The following DOC2A variants were observed in gnomAD, a reference collection of about 807,000 sequenced individuals.
DOC2A encodes double C2-like domain-containing protein alpha.
DOC2A carries 28 observed loss-of-function variants against 40.6 expected under a neutral mutation model. That is an observed-to-expected ratio of 0.69 (90% CI 0.51 to 0.95). The LOEUF is 0.95. DOC2A is among the 40% of genes least tolerant of loss of function. DOC2A has a pLI of 0.00. For missense variants in DOC2A, 474 were observed against 552.5 expected (o/e 0.86, Z 1.42); for synonymous variants, 241 against 236.9 (o/e 1.02, Z -0.16).
At chr16:30,011,250 A>AC (rs1271374892), upstream of DOC2A, 2 of 902,702 alleles carry the variant, frequency 2.2e-6, no homozygotes, top group Non-Finnish European at 2.6e-6. Flanking sequence ...CCAACCGGGC[A>AC]CCCCCGCGCG....
At chr16:30,013,335 G>C (rs567104102), upstream of DOC2A, 2 of 142,924 alleles carry the variant, frequency 1.4e-5, no homozygotes, top group Non-Finnish European at 3.0e-5. Context: ...GCGTGATCTC[G>C]GCTCACTGCA....
In DOC2A at chr16:30,006,713, G is replaced by A. The variant is rs372389503; in HGVS notation, c.879-36C>T. The A allele has an allele frequency of 2.5e-6, 4 of 1,613,806 alleles. No individual in the cohort carries two copies. In the East Asian group the frequency reaches 6.7e-5, roughly 27 times the overall value. On this transcript the variant is annotated intron_variant, in intron 8 of 10. Coordinates refer to ENST00000350119, the MANE Select transcript of DOC2A (RefSeq NM_003586.3). This position sits in a 1 kb window ranked among gnomAD's most constrained non-coding sequence, Gnocchi z 6.2. ...GGTGGAGGGAGACGAACTGAGGGGTGAGGGACAGGCCAGGCCCAACTCAGG... is the reference window on the plus strand; with the variant it reads ...GGTGGAGGGAGACGAACTGAGGGGTAAGGGACAGGCCAGGCCCAACTCAGG...
At chr16:30,008,798 A>G (rs2070692994) in intron 5 of DOC2A, 198 bp downstream of exon 5, 2 of 579,668 alleles carry the variant, frequency 3.5e-6, no homozygotes, top group South Asian at 1.9e-5. Flanking sequence ...GAGCCACCAC[A>G]CCTGGCAGGC....
At chr16:30,014,752 A>C (rs910081374), upstream of DOC2A, among the ~76,000 whole-genome samples, 2 of 151,986 alleles carry the variant, frequency 1.3e-5, no homozygotes, top group African/African-American at 4.8e-5. Context: ...AGCCTAGCCA[A>C]CATGCTGAAA....
At chr16:30,022,139 C>A (rs1303640497), upstream of DOC2A, among the ~76,000 whole-genome samples, 1 of 151,156 alleles carries the variant, frequency 6.6e-6, no homozygotes, top group African/African-American at 2.4e-5. Context: ...AATCCCACTC[C>A]AGGAGGCTGA....
chr16:30,017,723 A>G (rs1413581149), intron 1 of DOC2A, among the ~76,000 whole-genome samples: 5 of 152,058 alleles, frequency 3.3e-5, no homozygotes, highest in Admixed American at 2.6e-4. Flanking sequence ...TTGGGAGGCC[A>G]AGGTGGGCGG....
rs756162888 is a variant in DOC2A at position 30,006,793 on chromosome 16, G to A, written c.870C>T (p.Tyr290=). The A allele has an allele frequency of 2.5e-6, 4 of 1,613,776 alleles. No homozygotes were observed. Among genetic ancestry groups the A allele is most frequent in the South Asian group, 2.2e-5 (2 of 91,078 alleles). ...AMDVNGYSDP[Y]VKTYLRPDVD... ...TCAGAGCAAGGGCTCACGTCTTGAC[G>A]TAGGGGTCCGAGTAACCGTTGACGT... Residue 290 remains tyrosine, a synonymous_variant, in exon 8 of 11, where the codon TAC becomes TAT. Transcript: ENST00000350119. The surrounding 1 kb of genome is among the most constrained non-coding windows in gnomAD (Gnocchi z 6.2).
chr16:30,018,153 T>C (rs1243082219), intron 1 of DOC2A, among the ~76,000 whole-genome samples: 3 of 138,910 alleles, frequency 2.2e-5, no homozygotes, highest in Non-Finnish European at 4.6e-5. Context: ...GATGACTTGA[T>C]GATGCAGTCC....
In DOC2A at chr16:30,006,299, C is replaced by T. The variant is rs141323522; in HGVS notation, c.1090G>A (p.Glu364Lys). 1.9e-4 allele frequency: 309 copies of T among 1,610,968 alleles called. No individual in the cohort carries two copies. Among genetic ancestry groups the T allele is most frequent in the Non-Finnish European group, 2.3e-4 (271 of 1,179,276 alleles). The change falls in exon 11 of 11, where the codon GAG becomes AAG. Residue 364 changes from glutamate (E) to lysine (K), a missense_variant. Transcript: ENST00000350119. This position sits in a 1 kb window ranked among gnomAD's most constrained non-coding sequence, Gnocchi z 6.2. ...GVSLGPGARG[E>K]ARKHWSDCLQ... The stretch of plus-strand genomic sequence containing the variant: ...CAGTCACTCCAGTGCTTCCGAGCCT[C>T]GCCTCGGGCACCTGGCCCCAGGGAC...
In DOC2A at chr16:30,006,698, G is replaced by A. The variant is rs368171707; in HGVS notation, c.879-21C>T. 3 of 1,613,604 alleles carry A rather than the reference G, an allele frequency of 1.9e-6. No homozygotes were observed. Among genetic ancestry groups the A allele is most frequent in the Non-Finnish European group, 1.7e-6 (2 of 1,179,942 alleles). On this transcript the variant is annotated intron_variant, in intron 8 of 10. Transcript: ENST00000350119. The surrounding 1 kb of genome is among the most constrained non-coding windows in gnomAD (Gnocchi z 6.2). ...GGTACCTGGGGGTGGGGTGGAGGGAGACGAACTGAGGGGTGAGGGACAGGC... is the reference window on the plus strand; with the variant it reads ...GGTACCTGGGGGTGGGGTGGAGGGAAACGAACTGAGGGGTGAGGGACAGGC...
Position 30,009,983 on chromosome 16 carries a change from G to A in DOC2A, c.240C>T (p.Asp80=), listed in dbSNP as rs764214638. The A allele has an allele frequency of 3.1e-6, 5 of 1,611,714 alleles. No homozygotes were observed. The South Asian group carries it at 4.4e-5, about 14-fold the overall frequency. ...ATTPEDGAEV[D]SYDSDDATAL... ...CACTGGCATCATCCGAGTCATAGCT[G>A]TCCACCTCCGCACCATCCTCAGGCG... The change falls in exon 2 of 11, where the codon GAC becomes GAT. Residue 80 remains aspartate (D), a synonymous_variant. Transcript: ENST00000350119. This position sits in a 1 kb window ranked among gnomAD's most constrained non-coding sequence, Gnocchi z 4.1.
upstream of DOC2A, chr16:30,014,946 A>C (rs1453536034): frequency 1.3e-5 from 2 of 152,106 alleles, no homozygotes; most frequent in Non-Finnish European, 2.9e-5. Context: ...AAAAGAAAAA[A>C]GAAAAAAAAA....
chr16:30,015,786 G>A (rs1365701136), upstream of DOC2A, among the ~76,000 whole-genome samples: 1 of 139,952 alleles, frequency 7.1e-6, no homozygotes, highest in Non-Finnish European at 1.5e-5. Flanking sequence ...CGACATCCTC[G>A]AACTCTTGGG....
At position 30,010,201 on chromosome 16, in the gene DOC2A, G is replaced by A. The variant is rs547661048; in HGVS notation, c.22C>T (p.Arg8Cys). 1.2e-6 allele frequency: 2 copies of A among 1,613,824 alleles called. No homozygotes were observed. The highest frequency in any genetic ancestry group is 1.1e-5 in the South Asian group (1 of 91,092). ...TGCTCCTGGATGTTGATGGTCATGC[G>A]ATCGCCCCTGCGGCCCCTCATGCAG... is the stretch of plus-strand genomic sequence containing the variant. Reference protein sequence around the residue: MRGRRGDRMTINIQEHMA... With the variant: MRGRRGDCMTINIQEHMA... Residue 8 changes from arginine (R) to cysteine (C), a missense_variant, in exon 2 of 11, where the codon CGC (arginine) becomes TGC (cysteine). Physicochemically the swap from Arg to Cys is radical, Grantham distance 180. Transcript: ENST00000350119. The surrounding 1 kb of genome is among the most constrained non-coding windows in gnomAD (Gnocchi z 4.2).
chr16:30,015,785 C>T (rs534237808), upstream of DOC2A, among the ~76,000 whole-genome samples: 55 of 146,024 alleles, frequency 3.8e-4, no homozygotes, highest in African/African-American at 1.3e-3. Context: ...ACGACATCCT[C>T]GAACTCTTGG....
intron 5 of DOC2A, chr16:30,008,633 A>T: frequency 3.5e-6 from 1 of 286,970 alleles, no homozygotes; most frequent in East Asian, 8.7e-5. Flanking sequence ...CCTCTCGAGT[A>T]GCTGGGATTT....
At position 30,005,619 on chromosome 16, in the gene DOC2A, C is replaced by T. The variant is rs111261004; in HGVS notation, c.*567G>A. On this transcript the variant is annotated 3_prime_UTR_variant, in exon 11 of 11. Transcript: ENST00000350119. Reference sequence around the variant, plus strand: ...TGTCCCCCAGGAGGGTGGCAGGGGCCCTGCCTTCAAACCCCGGCCCCCTCC... The same window carrying T: ...TGTCCCCCAGGAGGGTGGCAGGGGCTCTGCCTTCAAACCCCGGCCCCCTCC... 1.5e-6 allele frequency: 1 copy of T among 655,198 alleles called. No homozygotes were observed. Among genetic ancestry groups the T allele is most frequent in the Non-Finnish European group, 2.6e-6 (1 of 385,406 alleles). 40.6% of individuals were successfully genotyped at this position (655,198 alleles called of 1,614,324 possible). A position where few individuals can be genotyped will look rare whatever the true frequency, so the allele number is the denominator to read the frequency against.
In DOC2A at chr16:30,007,245, G is replaced by A. The variant is rs2070641496; in HGVS notation, c.582C>T (p.Ile194=). The A allele has an allele frequency of 6.2e-7, 1 of 1,613,982 alleles. No individual in the cohort carries two copies. The highest frequency in any genetic ancestry group is 1.3e-5 in the African/African-American group (1 of 75,044). The change falls in exon 6 of 11, where the codon ATC becomes ATT. Residue 194 remains isoleucine, a synonymous_variant. Transcript: ENST00000350119. ...KLSHNEFIGE[I]RVPLRRLKPS... is the part of the protein sequence containing the mutation. The stretch of plus-strand genomic sequence containing the variant: ...GCTTGAGGCGGCGGAGGGGCACGCG[G>A]ATCTCCCCAATAAACTCATTGTGAC...
At position 30,008,978 on chromosome 16, in the gene DOC2A, G is replaced by T. The variant is rs745957156; in HGVS notation, c.527+18C>A. On this transcript the variant is annotated intron_variant, in intron 5 of 10. Coordinates refer to ENST00000350119, the MANE Select transcript of DOC2A (RefSeq NM_003586.3). The stretch of plus-strand genomic sequence containing the variant: ...TGTCCCCGAGCTGCTGCTGGGTGGT[G>T]GGGAGGGGGGCCCTCACCTGAGCAC... The T allele has an allele frequency of 1.9e-6, 3 of 1,563,494 alleles. No individual in the cohort carries two copies. Among genetic ancestry groups the T allele is most frequent in the Non-Finnish European group, 2.6e-6 (3 of 1,135,028 alleles).
Sources: allele counts gnomAD v4.1 joint callset (sites outside exome capture counted in the v4.1 genomes callset), GRCh38; gene constraint gnomAD v4.1.1; non-coding constraint Gnocchi (gnomAD v3.1); transcripts MANE v1.5; gene names NCBI Gene and HGNC (gene_info 2026-07-23, HGNC 2026-07-21).